Variants in DIAPH2 observed in about 807,000 individuals in gnomAD.
DIAPH2 encodes the protein protein diaphanous homolog 2.
A neutral mutation model predicts 92.7 loss-of-function variants in DIAPH2; 35 were observed. The ratio of observed to expected loss-of-function variants is 0.38; its 90% CI spans 0.29 to 0.50. The LOEUF (loss-of-function observed/expected upper bound fraction) is 0.50, where lower values mean the gene tolerates loss of function less well. DIAPH2 is among the 20% of genes least tolerant of loss of function. The pLI, the probability that DIAPH2 is intolerant of heterozygous loss-of-function variation, is 0.94. For synonymous variants in DIAPH2, 301 were observed against 280.4 expected (o/e 1.07, Z -0.73); for missense variants, 701 against 819.5 (o/e 0.86, Z 1.77).
chrX:97,232,514 A>G (rs1439455212), intron 22 of DIAPH2, among the ~76,000 whole-genome samples: 1 of 111,688 alleles, frequency 9.0e-6, no homozygotes, highest in Non-Finnish European at 1.9e-5. Flanking sequence ...GGTGTGAGCC[A>G]TCGCACCCGG....
chrX:97,245,038 G>A (rs1277266473), intron 22 of DIAPH2, among the ~76,000 whole-genome samples: 4 of 109,391 alleles, frequency 3.7e-5, no homozygotes, highest in Admixed American at 9.7e-5. Context: ...GCAGTGAGCC[G>A]AGATATCATG....
In DIAPH2 at chrX:97,289,729, T is replaced by G. The variant is rs750552348; in HGVS notation, c.2844+41890T>G. ...ACAACAATCCAATTTTTTTTTTTTTTTGGTTTGTTTTTTGACCCAGGGTCT... is the reference window on the plus strand; with the variant it reads ...ACAACAATCCAATTTTTTTTTTTTTGTGGTTTGTTTTTTGACCCAGGGTCT... On this transcript the variant is annotated intron_variant, in intron 23 of 26. Transcript: ENST00000324765. Among the ~76,000 whole-genome samples the G allele has an allele frequency of 4.5e-5, 5 of 110,342 alleles. No individual in the cohort carries two copies. The East Asian group carries it at 1.4e-3, about 31-fold the overall frequency.
chrX:96,879,932 T>C (rs193167396), intron 4 of DIAPH2, among the ~76,000 whole-genome samples: 16 of 111,269 alleles, frequency 1.4e-4, no homozygotes, highest in African/African-American at 2.0e-4. Flanking sequence ...TTTCACCACA[T>C]TGGCCAGGCT....
intron 17 of DIAPH2, among the ~76,000 whole-genome samples, chrX:96,996,773 T>G (rs1306016439): frequency 8.9e-6 from 1 of 111,796 alleles, no homozygotes; most frequent in Non-Finnish European, 1.9e-5. Flanking sequence ...TTGGATGAGA[T>G]GGAATTGTGT....
At chrX:97,146,516 G>A (rs979874401) in intron 22 of DIAPH2, among the ~76,000 whole-genome samples, 3 of 110,815 alleles carry the variant, frequency 2.7e-5, no homozygotes, top group African/African-American at 9.8e-5. Flanking sequence ...GTGTGGTATA[G>A]CAAATACCAA....
At chrX:97,535,340 A>G (rs1197370267) in intron 26 of DIAPH2, among the ~76,000 whole-genome samples, 1 of 112,543 alleles carries the variant, frequency 8.9e-6, no homozygotes, top group Admixed American at 9.4e-5. Flanking sequence ...ATAAAATTTT[A>G]TTTTAAAAGA....
chrX:97,022,556 T>C (rs1216942991), intron 17 of DIAPH2, among the ~76,000 whole-genome samples: 1 of 112,297 alleles, frequency 8.9e-6, no homozygotes, highest in African/African-American at 3.2e-5. Context: ...GATGAGCATT[T>C]TATTTTTAGT....
chrX:96,905,199 G>A (rs2065425026), intron 5 of DIAPH2, among the ~76,000 whole-genome samples: 1 of 111,793 alleles, frequency 8.9e-6, no homozygotes, highest in African/African-American at 3.2e-5. Flanking sequence ...TTTTGAAAGA[G>A]ATGTTAATTT....
At chrX:97,375,329 A>T (rs1272798507) in intron 24 of DIAPH2, among the ~76,000 whole-genome samples, 1 of 111,038 alleles carries the variant, frequency 9.0e-6, no homozygotes, top group South Asian at 3.8e-4. Context: ...CGTGGTGGGC[A>T]CCTGTAATCC....
At chrX:97,497,467 A>AT (rs1203995694) in intron 26 of DIAPH2, among the ~76,000 whole-genome samples, 3 of 103,933 alleles carry the variant, frequency 2.9e-5, no homozygotes, top group Non-Finnish European at 5.9e-5. Context: ...TTTTTACCAC[A>AT]TTCTCTTTGT....
intron 23 of DIAPH2, among the ~76,000 whole-genome samples, chrX:97,337,696 G>T (rs1030466945): frequency 9.1e-6 from 1 of 110,369 alleles, no homozygotes; most frequent in Non-Finnish European, 1.9e-5. Context: ...AACGGAAAAG[G>T]TGTAAAAGTG....
At chrX:97,462,282 G>T (rs2070466088) in intron 26 of DIAPH2, among the ~76,000 whole-genome samples, 1 of 112,193 alleles carries the variant, frequency 8.9e-6, no homozygotes, top group South Asian at 3.7e-4. Context: ...TGGTGGTTTA[G>T]AATAATGAGC....
At position 97,039,120 on chromosome X, in the gene DIAPH2, G is replaced by C. The variant is rs762585270; in HGVS notation, c.2051-33821G>C. On this transcript the variant is annotated intron_variant, in intron 17 of 26. Transcript: ENST00000324765. ...TAAAAAATATTATATTTGTTAAATT[G>C]ATGGGTGAAAAACTGTATCTTATTG... Among the ~76,000 whole-genome samples the C allele has an allele frequency of 3.6e-5, 4 of 111,115 alleles. No homozygotes were observed. The East Asian group carries it at 1.1e-3, about 31-fold the overall frequency.
chrX:97,021,627 T>C (rs1450060389), intron 17 of DIAPH2, among the ~76,000 whole-genome samples: 1 of 111,922 alleles, frequency 8.9e-6, no homozygotes, highest in Non-Finnish European at 1.9e-5. Context: ...ATAAATGAAA[T>C]TAATAATTAA....
At chrX:97,577,195 A>G (rs1472675060) in intron 26 of DIAPH2, among the ~76,000 whole-genome samples, 1 of 112,346 alleles carries the variant, frequency 8.9e-6, no homozygotes, top group Non-Finnish European at 1.9e-5. Flanking sequence ...GACCCAGAGT[A>G]AAAGAACAGA....
chrX:97,490,824 C>T (rs779152747), intron 26 of DIAPH2, among the ~76,000 whole-genome samples: 4 of 111,459 alleles, frequency 3.6e-5, no homozygotes, highest in Non-Finnish European at 7.5e-5. Flanking sequence ...TGACTTAACA[C>T]GTGATATATT....
chrX:97,359,434 T>C (rs1396571169), intron 24 of DIAPH2, among the ~76,000 whole-genome samples: 1 of 110,145 alleles, frequency 9.1e-6, no homozygotes, highest in Non-Finnish European at 1.9e-5. Context: ...GTCCTATATA[T>C]GTCCTATATA....
chrX:97,364,192 C>T (rs2069356766), intron 24 of DIAPH2, among the ~76,000 whole-genome samples: 1 of 111,430 alleles, frequency 9.0e-6, no homozygotes, highest in Admixed American at 9.5e-5. Flanking sequence ...GAATTTTTCC[C>T]CCCACCTCAC....
At chrX:96,810,776 A>C (rs1356683574) in intron 4 of DIAPH2, among the ~76,000 whole-genome samples, 3 of 111,804 alleles carry the variant, frequency 2.7e-5, no homozygotes, top group Non-Finnish European at 5.6e-5. Flanking sequence ...TAAATAGGGA[A>C]TCCTTTCCCC....
Sources: allele counts gnomAD v4.1 joint callset (sites outside exome capture counted in the v4.1 genomes callset), GRCh38; gene constraint gnomAD v4.1.1; transcripts MANE v1.5; gene names NCBI Gene and HGNC (gene_info 2026-07-23, HGNC 2026-07-21).